Variants in SCEL observed in about 807,000 individuals in gnomAD.
SCEL encodes sciellin.
A neutral mutation model predicts 117.6 loss-of-function variants in SCEL; 113 were observed. That is an observed-to-expected ratio of 0.96 (90% CI 0.83 to 1.12). The LOEUF (loss-of-function observed/expected upper bound fraction) is 1.12, where lower values mean the gene tolerates loss of function less well. Ranked by LOEUF, SCEL falls within the 50% of genes most tolerant of loss-of-function variation. The probability of loss-of-function intolerance (pLI) is 0.00; values close to 1 mark genes in which losing one functional copy is unlikely to be tolerated. For missense variants in SCEL, 785 were observed against 810.8 expected, an observed-to-expected ratio of 0.97 and a Z score of 0.39; for synonymous variants, 270 against 256.2, an observed-to-expected ratio of 1.05 and a Z score of -0.51.
intron 1 of SCEL, among the ~76,000 whole-genome samples, chr13:77,549,912 A>G (rs1396896937): frequency 2.0e-5 from 3 of 152,180 alleles, no homozygotes; most frequent in East Asian, 1.9e-4. Flanking sequence ...CTTGTGAAAT[A>G]TAATCTGATT....
rs1044705663 is a variant in SCEL, at chr13:77,627,523, T to C, written c.1629-424T>C. ...GAGAAGACATTGAATAAGTCTAGCA[T>C]AAAGAAAAGATAAACATTTAAGGTG... is the stretch of plus-strand genomic sequence containing the variant. On this transcript the variant is annotated intron_variant, in intron 27 of 32. Transcript: ENST00000349847. Among the ~76,000 whole-genome samples the C allele has an allele frequency of 5.9e-5, 9 of 152,238 alleles. No homozygotes were observed. The South Asian group carries it at 1.9e-3, about 32-fold the overall frequency.
At chr13:77,551,170 C>T (rs952827795) in intron 1 of SCEL, among the ~76,000 whole-genome samples, 3 of 152,164 alleles carry the variant, frequency 2.0e-5, no homozygotes, top group Admixed American at 6.5e-5. Flanking sequence ...CTCTGAGCTC[C>T]GGTAGTCTCA....
chr13:77,591,297 C>A, intron 10 of SCEL, 98 bp from the exon 11 acceptor site: 1 of 787,270 alleles, frequency 1.3e-6, no homozygotes, highest in Non-Finnish European at 2.1e-6. Context: ...CCAACAAACA[C>A]TGATCTTTTT....
At position 77,640,655 on chromosome 13, in the gene SCEL, TA is replaced by T. The variant is rs1419070415; in HGVS notation, c.1839-19del. ...TTCTGTATTATGGCAAATTTATTTT[TA>T]ATTGCTTACATTTCTATAGGTCTGT... On this transcript the variant is annotated intron_variant, in intron 30 of 32. Transcript: ENST00000349847. 7.3e-7 allele frequency: 1 copy of T among 1,372,376 alleles called. No homozygotes were observed. Among genetic ancestry groups the T allele is most frequent in the East Asian group, 2.4e-5 (1 of 42,262 alleles). 85.0% of individuals were successfully genotyped at this position (1,372,376 alleles called of 1,614,324 possible). A position where few individuals can be genotyped will look rare whatever the true frequency, so the allele number is the denominator to read the frequency against.
chr13:77,586,195 G>T (rs1195936080), intron 9 of SCEL, among the ~76,000 whole-genome samples: 2 of 152,218 alleles, frequency 1.3e-5, no homozygotes, highest in African/African-American at 4.8e-5. Flanking sequence ...AATCCATGCA[G>T]AGGATCCTTC....
At chr13:77,585,448 C>T (rs566274595) in intron 9 of SCEL, among the ~76,000 whole-genome samples, 1 of 152,192 alleles carries the variant, frequency 6.6e-6, no homozygotes, top group African/African-American at 2.4e-5. Context: ...ACATCTGCAG[C>T]CCTGGGGTCA....
At chr13:77,552,954 A>G (rs938232362) in intron 1 of SCEL, among the ~76,000 whole-genome samples, 1 of 152,312 alleles carries the variant, frequency 6.6e-6, no homozygotes, top group African/African-American at 2.4e-5. Flanking sequence ...AGCACCATTT[A>G]TTAAATAGGG....
chr13:77,547,403 A>G (rs957358125), intron 1 of SCEL, among the ~76,000 whole-genome samples: 4 of 152,228 alleles, frequency 2.6e-5, no homozygotes, highest in Non-Finnish European at 4.4e-5. Context: ...GAGACTAATT[A>G]TATTTTCAGT....
intron 22 of SCEL, among the ~76,000 whole-genome samples, chr13:77,612,456 CTTTTTTTT>C (rs71102764): frequency 1.8e-3 from 170 of 93,598 alleles, no homozygotes; most frequent in Non-Finnish European, 2.9e-3. Context: ...TTTTTCTTTT[CTTTTTTTT>C]TTTTTTTTTT....
rs375400513 is a variant in SCEL, at chr13:77,631,786, T to C, written c.1692-2593T>C. ...TCTTCCATGAAGGCATTGTCATTAA[T>C]CACATTATAAACACAACTGGGAAAA... On this transcript the variant is annotated intron_variant, in intron 28 of 32. Transcript: ENST00000349847. Among the ~76,000 whole-genome samples, 52 of 152,342 alleles carry C rather than the reference T, an allele frequency of 3.4e-4. No individual in the cohort carries two copies. The East Asian group carries it at 9.1e-3, about 27-fold the overall frequency.
chr13:77,563,938 A>T, intron 5 of SCEL, 39 bp downstream of exon 5: 2 of 1,278,450 alleles, frequency 1.6e-6, no homozygotes, highest in Middle Eastern at 1.9e-4. Flanking sequence ...AATGCATAAC[A>T]TATTAAATAC....
intron 12 of SCEL, among the ~76,000 whole-genome samples, chr13:77,596,381 A>G (rs2087230396): frequency 6.6e-6 from 1 of 152,102 alleles, no homozygotes; most frequent in African/African-American, 2.4e-5. Flanking sequence ...AAATTTAGTA[A>G]TGACAGGGCA....
At chr13:77,595,060 G>A (rs1444211121) in intron 12 of SCEL, among the ~76,000 whole-genome samples, 3 of 152,184 alleles carry the variant, frequency 2.0e-5, no homozygotes, top group Non-Finnish European at 2.9e-5. Flanking sequence ...GGTTTGGTGG[G>A]TGATCGGGAT....
chr13:77,608,679 T>A (rs2088411627), intron 20 of SCEL, among the ~76,000 whole-genome samples: 1 of 152,190 alleles, frequency 6.6e-6, no homozygotes, highest in African/African-American at 2.4e-5. Context: ...ATCCATTTTT[T>A]AAAAAAGGAT....
At chr13:77,584,354 G>C (rs2086441691) in intron 9 of SCEL, among the ~76,000 whole-genome samples, 1 of 152,138 alleles carries the variant, frequency 6.6e-6, no homozygotes. Context: ...GCTCCTTTGA[G>C]GTAAATGGAA....
At chr13:77,550,008 GTT>G (rs397851742) in intron 1 of SCEL, among the ~76,000 whole-genome samples, 17 of 140,260 alleles carry the variant, frequency 1.2e-4, no homozygotes, top group South Asian at 2.3e-4. Flanking sequence ...CCTGCTGCCA[GTT>G]TTTTTTTTTT....
intron 8 of SCEL, among the ~76,000 whole-genome samples, chr13:77,570,857 T>TTTTTTC (rs1159183394): frequency 6.6e-6 from 1 of 152,002 alleles, no homozygotes; most frequent in Non-Finnish European, 1.5e-5. Flanking sequence ...TTTCTTTTTC[T>TTTTTTC]TTTTTCTTTT....
chr13:77,627,153 T>C (rs2089780403), intron 27 of SCEL, among the ~76,000 whole-genome samples: 1 of 152,166 alleles, frequency 6.6e-6, no homozygotes. Flanking sequence ...AAAGCCTAAA[T>C]AAGGTCTCTG....
chr13:77,621,776 A>G (rs1020343444), intron 27 of SCEL, among the ~76,000 whole-genome samples: 2 of 152,188 alleles, frequency 1.3e-5, no homozygotes, highest in Admixed American at 6.5e-5. Context: ...AGCCCCTATG[A>G]GTGAAACAAG....
Sources: allele counts gnomAD v4.1 joint callset (sites outside exome capture counted in the v4.1 genomes callset), GRCh38; gene constraint gnomAD v4.1.1; transcripts MANE v1.5; gene names NCBI Gene and HGNC (gene_info 2026-07-23, HGNC 2026-07-21).